Variants in USP28 observed in about 807,000 individuals in gnomAD.
The protein encoded by USP28 is ubiquitin specific peptidase 28.
A neutral mutation model predicts 145.0 loss-of-function variants in USP28; 113 were observed. The observed-to-expected ratio is 0.78, with a 90% CI of 0.67 to 0.91. USP28 has a LOEUF of 0.91. Ranked by LOEUF, USP28 falls within the 40% of genes least tolerant of loss-of-function variation. USP28 has a pLI of 0.00. For missense variants in USP28, 1,201 were observed against 1,289.6 expected (o/e 0.93, Z 1.05); for synonymous variants, 447 against 450.9 (o/e 0.99, Z 0.11).
intron 1 of USP28, among the ~76,000 whole-genome samples, chr11:113,861,914 G>A (rs1354709392): frequency 1.3e-5 from 2 of 152,154 alleles, no homozygotes; most frequent in Non-Finnish European, 2.9e-5. Flanking sequence ...TATTGGTAGG[G>A]CTAATTGAAA....
intron 1 of USP28, among the ~76,000 whole-genome samples, chr11:113,860,442 CAAAAAAA>C (rs4020501): frequency 3.0e-5 from 4 of 134,624 alleles, no homozygotes; most frequent in Non-Finnish European, 4.7e-5. Flanking sequence ...CCAAGGGAAG[CAAAAAAA>C]AAAAAAAGAA....
intron 10 of USP28, 97 bp from the exon 11 acceptor site, chr11:113,827,457 T>C: frequency 7.4e-7 from 1 of 1,344,050 alleles, no homozygotes; most frequent in South Asian, 1.6e-5. Flanking sequence ...TTTCTTCCTT[T>C]GGTATAGAAC....
intron 4 of USP28, among the ~76,000 whole-genome samples, chr11:113,841,254 C>T (rs556885314): frequency 1.3e-5 from 2 of 152,318 alleles, no homozygotes; most frequent in East Asian, 3.9e-4. Context: ...ACCAAACAAC[C>T]ACCCAATTAG....
At chr11:113,864,474 G>A (rs1948071311) in intron 1 of USP28, among the ~76,000 whole-genome samples, 1 of 152,156 alleles carries the variant, frequency 6.6e-6, no homozygotes, top group African/African-American at 2.4e-5. Context: ...GACCAGCGGT[G>A]TAGTGTTAGT....
chr11:113,801,738 A>G (rs1354196460), intron 23 of USP28, 60 bp from the exon 25 acceptor site: 2 of 1,409,870 alleles, frequency 1.4e-6, no homozygotes, highest in Non-Finnish European at 1.9e-6. Flanking sequence ...TATCTCTTTA[A>G]TAACAGTCTA....
intron 12 of USP28, chr11:113,821,061 G>A: frequency 4.2e-6 from 1 of 235,842 alleles, no homozygotes; most frequent in Non-Finnish European, 9.2e-6. Context: ...AGGAGAAGGG[G>A]GATATGGGAG....
At chr11:113,865,489 A>T (rs193101534) in intron 1 of USP28, among the ~76,000 whole-genome samples, 2 of 152,216 alleles carry the variant, frequency 1.3e-5, no homozygotes, top group African/African-American at 4.8e-5. Flanking sequence ...TAGTACTGGC[A>T]TAAGGACAGA....
chr11:113,801,263 AG>A (rs1938962471), intron 24 of USP28, among the ~76,000 whole-genome samples: 1 of 152,084 alleles, frequency 6.6e-6, no homozygotes, highest in African/African-American at 2.4e-5. Context: ...TTGCCCATGG[AG>A]GTGATTTGGC....
intron 18 of USP28, among the ~76,000 whole-genome samples, chr11:113,807,645 A>T (rs1305713098): frequency 6.6e-6 from 1 of 152,196 alleles, no homozygotes; most frequent in Non-Finnish European, 1.5e-5. Flanking sequence ...TTTAAATTAG[A>T]AGGCAATCTT....
intron 22 of USP28, 145 bp from the exon 24 acceptor site, chr11:113,803,426 T>A: frequency 1.1e-6 from 1 of 946,630 alleles, no homozygotes; most frequent in Non-Finnish European, 1.5e-6. Flanking sequence ...GTCTCATCTC[T>A]TCTACAAATT....
chr11:113,867,317 A>G (rs557073863), intron 1 of USP28, among the ~76,000 whole-genome samples: 7 of 152,172 alleles, frequency 4.6e-5, no homozygotes, highest in African/African-American at 1.7e-4. Flanking sequence ...CTCAGGCTAG[A>G]GTGCAGTGGC....
At chr11:113,805,298 C>G (rs1338823076) in intron 19 of USP28, among the ~76,000 whole-genome samples, 2 of 151,534 alleles carry the variant, frequency 1.3e-5, no homozygotes, top group Admixed American at 6.6e-5. Context: ...CTTTGTCACC[C>G]AGGCTGGAGT....
chr11:113,860,792 C>G lies in USP28; in HGVS notation c.58-6457G>C, dbSNP rs551846766. 4.1e-5 allele frequency among the ~76,000 whole-genome samples: 6 copies of G among 148,012 alleles called. No individual in the cohort carries two copies. The South Asian group carries it at 1.3e-3, about 32-fold the overall frequency. On this transcript the variant is annotated intron_variant, in intron 1 of 24. Transcript: ENST00000003302. The stretch of plus-strand genomic sequence containing the variant: ...CAAGATTGCACCGCTGCACTCCAGC[C>G]TGCACAACAGAGCAAGACTGTGTCT...
At chr11:113,845,001 T>A (rs898467700) in intron 3 of USP28, among the ~76,000 whole-genome samples, 2 of 151,168 alleles carry the variant, frequency 1.3e-5, no homozygotes, top group Admixed American at 1.3e-4. Context: ...GAGCCCATAG[T>A]CCCAGGTACT....
chr11:113,803,917 T>G (rs962604962), intron 21 of USP28, 40 bp from the exon 23 acceptor site: 1 of 1,547,766 alleles, frequency 6.5e-7, no homozygotes. Flanking sequence ...ATGATCATAA[T>G]AGATTGTTAG....
Position 113,842,628 on chromosome 11 carries a change from AAAAT to A in USP28, c.269-864_269-861del, listed in dbSNP as rs1258941408. Among the ~76,000 whole-genome samples, 9 of 152,162 alleles carry A rather than the reference AAAAT, an allele frequency of 5.9e-5. 1 individual carries two copies. In the South Asian group the frequency reaches 1.7e-3, roughly 28 times the overall value. On this transcript the variant is annotated intron_variant, in intron 3 of 24. Transcript: ENST00000003302. ...CAAGTTGAGTTTACTGCAGGAAAAA[AAAAT>A]GAGTTAATACTAGATGGAGCAGTAA...
chr11:113,875,568 AC>A (rs1949311999), exon 1 of USP28: 1 of 1,079,290 alleles, frequency 9.3e-7, no homozygotes, highest in South Asian at 4.4e-5. Flanking sequence ...GCCTCTCAGG[AC>A]TAGGCCCCGC....
intron 22 of USP28, 31 bp from the exon 24 acceptor site, chr11:113,803,312 A>C: frequency 6.3e-7 from 1 of 1,581,580 alleles, no homozygotes; most frequent in South Asian, 1.2e-5. Context: ...ACAACAGCTG[A>C]GTGCTCTTTT....
At chr11:113,836,900 G>A (rs1437700392) in intron 5 of USP28, among the ~76,000 whole-genome samples, 3 of 152,078 alleles carry the variant, frequency 2.0e-5, no homozygotes, top group African/African-American at 4.8e-5. Flanking sequence ...ACTCCAGCAC[G>A]TTCCCTGAAC....
Sources: allele counts gnomAD v4.1 joint callset (sites outside exome capture counted in the v4.1 genomes callset), GRCh38; gene constraint gnomAD v4.1.1; transcripts MANE v1.5; gene names NCBI Gene and HGNC (gene_info 2026-07-23, HGNC 2026-07-21).